The following GPNMB variants were observed in gnomAD, a reference collection of about 807,000 sequenced individuals.
The protein encoded by GPNMB is glycoprotein nmb, also known as transmembrane glycoprotein NMB.
In GPNMB, 71 loss-of-function variants were observed where a neutral mutation model predicts 57.3. That is an observed-to-expected ratio of 1.24 (90% CI 1.02 to 1.51). The LOEUF (loss-of-function observed/expected upper bound fraction) is 1.51. Among genes scored for constraint, GPNMB ranks in the 40% most tolerant of loss-of-function variants. GPNMB has a pLI of 0.00. For missense variants in GPNMB, 677 were observed against 691.9 expected, an observed-to-expected ratio of 0.98 and a Z score of 0.24; for synonymous variants, 253 against 263.2, an observed-to-expected ratio of 0.96 and a Z score of 0.38.
intron 9 of GPNMB, 93 bp downstream of exon 9, chr7:23,270,268 TTAATTC>T: frequency 1.3e-6 from 1 of 772,232 alleles, no homozygotes; most frequent in Non-Finnish European, 2.1e-6. Context: ...TTTTCAATGT[TTAATTC>T]TATTTCAGTA....
In GPNMB at chr7:23,246,804, G is replaced by T. The variant is rs749289901; in HGVS notation, c.-54G>T. The T allele has an allele frequency of 7.7e-7, 1 of 1,305,300 alleles. No individual in the cohort carries two copies. The highest frequency in any genetic ancestry group is 1.2e-5 in the South Asian group (1 of 84,798). 80.9% of individuals were successfully genotyped at this position (1,305,300 alleles called of 1,614,324 possible). A position where few individuals can be genotyped will look rare whatever the true frequency, so the allele number is the denominator to read the frequency against. On this transcript the variant is annotated 5_prime_UTR_variant, in exon 1 of 11. Transcript: ENST00000258733. ...GAACACTGTTGCTCTTGGTGGACGGGCCCAGAGGAATTCAGAGTTAAACCT... is the reference window on the plus strand; with the variant it reads ...GAACACTGTTGCTCTTGGTGGACGGTCCCAGAGGAATTCAGAGTTAAACCT...
intron 10 of GPNMB, 110 bp from the exon 11 acceptor site, chr7:23,273,955 C>A: frequency 1.2e-6 from 1 of 803,934 alleles, no homozygotes; most frequent in South Asian, 1.8e-5. Flanking sequence ...AACTGTCAAT[C>A]ATGTTAAATG....
intron 8 of GPNMB, among the ~76,000 whole-genome samples, chr7:23,268,670 A>G (rs915193738): frequency 1.3e-5 from 2 of 151,990 alleles, no homozygotes; most frequent in Non-Finnish European, 2.9e-5. Flanking sequence ...AGATACATAA[A>G]TTAATCAGGA....
chr7:23,256,950 T>C lies in GPNMB; in HGVS notation c.426T>C (p.Ser142=). ...VYNWTAWSED[S]DGENGTGQSH... is the part of the protein sequence containing the mutation. Reference sequence around the variant, plus strand: ...ACTGGACAGCATGGTCAGAGGACAGTGACGGGGAAAATGGCACCGGCCAAA... The same window carrying C: ...ACTGGACAGCATGGTCAGAGGACAGCGACGGGGAAAATGGCACCGGCCAAA... Residue 142 remains serine, a synonymous_variant, in exon 4 of 11, where the codon AGT becomes AGC. Coordinates refer to ENST00000258733, the MANE Select transcript of GPNMB (RefSeq NM_002510.3). The C allele has an allele frequency of 6.2e-7, 1 of 1,614,210 alleles. No individual in the cohort carries two copies. Among genetic ancestry groups the C allele is most frequent in the Non-Finnish European group, 8.5e-7 (1 of 1,180,012 alleles).
chr7:23,274,388 G>A lies in GPNMB; in HGVS notation c.*164G>A. ...AATGTCATTTTAGAGATGGGGAGAG[G>A]GATTATACTGCAGGCAGCTTCAGCC... On this transcript the variant is annotated 3_prime_UTR_variant, in exon 11 of 11. Transcript: ENST00000258733. The A allele has an allele frequency of 5.4e-6, 3 of 555,150 alleles. No individual in the cohort carries two copies. The highest frequency in any genetic ancestry group is 2.5e-5 in the South Asian group (1 of 40,432). The allele number at this position is 555,150 out of a possible 1,614,324, so 34.4% of individuals were successfully genotyped here.
intron 3 of GPNMB, among the ~76,000 whole-genome samples, chr7:23,256,059 G>C (rs1223732616): frequency 6.6e-6 from 1 of 152,016 alleles, no homozygotes; most frequent in African/African-American, 2.4e-5. Flanking sequence ...GGCGCATGCA[G>C]CATGACTGGC....
Position 23,253,723 on chromosome 7 carries a change from C to G in GPNMB, c.223+264C>G, listed in dbSNP as rs868091813. Among the ~76,000 whole-genome samples the G allele has an allele frequency of 2.6e-5, 4 of 152,306 alleles. 1 individual carries two copies. Among genetic ancestry groups the G allele is most frequent in the African/African-American group, 9.6e-5 (4 of 41,554 alleles). ...AGGGTGAGCAGATTTAGCTTTAAAC[C>G]TATTTAGCCAACCTGGGAATGATCA... On this transcript the variant is annotated intron_variant, in intron 2 of 10. Transcript: ENST00000258733.
At chr7:23,252,538 G>T (rs1005693911) in intron 1 of GPNMB, among the ~76,000 whole-genome samples, 1 of 152,144 alleles carries the variant, frequency 6.6e-6, no homozygotes, top group Non-Finnish European at 1.5e-5. Flanking sequence ...ATTGAGAAAA[G>T]GGTCAGTTCA....
chr7:23,258,911 T>C (rs762994166), intron 4 of GPNMB, among the ~76,000 whole-genome samples: 5 of 152,234 alleles, frequency 3.3e-5, no homozygotes, highest in Non-Finnish European at 4.4e-5. Flanking sequence ...GCATGCAACC[T>C]AAGATACCCA....
chr7:23,257,309 A>C (rs1337722895), intron 4 of GPNMB: 12 of 589,234 alleles, frequency 2.0e-5, no homozygotes, highest in Non-Finnish European at 3.6e-5. Context: ...TTTTTCAAAA[A>C]AACAAAACCA....
In GPNMB at chr7:23,246,895, T is replaced by C. The variant is rs745718322; in HGVS notation, c.38T>C (p.Leu13Pro). The change falls in exon 1 of 11, where the codon CTG becomes CCG. Residue 13 changes from leucine (L) to proline (P), a missense_variant. Leu to Pro is a moderately conservative substitution (Grantham distance 98). Transcript: ENST00000258733. ...CLYYFLGFLL[L>P]AARLPLDAAK... Reference sequence around the variant, plus strand: ...TACTATTTCCTGGGATTTCTGCTCCTGGCTGCAAGATTGCCACTTGATGCC... The same window carrying C: ...TACTATTTCCTGGGATTTCTGCTCCCGGCTGCAAGATTGCCACTTGATGCC... 2 of 1,614,082 alleles carry C rather than the reference T, an allele frequency of 1.2e-6. No individual in the cohort carries two copies. The highest frequency in any genetic ancestry group is 2.2e-5 in the South Asian group (2 of 91,066).
At position 23,257,003 on chromosome 7, in the gene GPNMB, A is replaced by G; in HGVS notation, c.479A>G (p.Lys160Arg). Residue 160 changes from lysine (K) to arginine (R), a missense_variant, in exon 4 of 11, where the codon AAA (lysine) becomes AGA (arginine). Lys to Arg is a conservative substitution (Grantham distance 26). Transcript: ENST00000258733. ...QSHHNVFPDGKPFPHHPGWRR... is the reference protein window; with the variant it reads ...QSHHNVFPDGRPFPHHPGWRR... ...CATCATAACGTCTTCCCTGATGGGAAACCTTTTCCTCACCACCCCGGATGG... is the reference window on the plus strand; with the variant it reads ...CATCATAACGTCTTCCCTGATGGGAGACCTTTTCCTCACCACCCCGGATGG... 6.2e-7 allele frequency: 1 copy of G among 1,614,156 alleles called. No individual in the cohort carries two copies. Among genetic ancestry groups the G allele is most frequent in the South Asian group, 1.1e-5 (1 of 91,084 alleles).
At chr7:23,264,082 T>C (rs10250602) in intron 6 of GPNMB, among the ~76,000 whole-genome samples, 51,701 of 147,978 alleles carry the variant, frequency 0.35, 9,158 homozygotes, top group Middle Eastern at 0.41. Context: ...TTTTTCAGAC[T>C]TGTGAACAAA....
In GPNMB at chr7:23,274,055, T is replaced by C; in HGVS notation, c.1524-10T>C. On this transcript the variant is annotated splice_polypyrimidine_tract_variant and intron_variant, in intron 10 of 10. Coordinates refer to ENST00000258733, the MANE Select transcript of GPNMB (RefSeq NM_002510.3). ...CTTTTAAAAATAACTAACCAACAGA[T>C]TGTTTTCAGAAAACACAAGGAATAC... 1 of 1,588,558 alleles carries C rather than the reference T, an allele frequency of 6.3e-7. No homozygotes were observed. Among genetic ancestry groups the C allele is most frequent in the Non-Finnish European group, 8.6e-7 (1 of 1,169,128 alleles).
intron 6 of GPNMB, among the ~76,000 whole-genome samples, chr7:23,265,160 C>G (rs1783026955): frequency 6.6e-6 from 1 of 152,210 alleles, no homozygotes; most frequent in South Asian, 2.1e-4. Context: ...GCAGTCATTT[C>G]TAGACCTGTT....
intron 3 of GPNMB, among the ~76,000 whole-genome samples, chr7:23,254,762 T>G (rs1782737394): frequency 6.6e-6 from 1 of 152,190 alleles, no homozygotes; most frequent in Non-Finnish European, 1.5e-5. Flanking sequence ...ATGTGTATAT[T>G]TTGGTTTTGC....
intron 1 of GPNMB, among the ~76,000 whole-genome samples, chr7:23,251,734 A>C (rs1281966503): frequency 6.6e-6 from 1 of 152,202 alleles, no homozygotes; most frequent in Admixed American, 6.5e-5. Flanking sequence ...TCTTGTTATA[A>C]AGGAGGAAAA....
chr7:23,254,055 A>G, intron 2 of GPNMB, 114 bp from the exon 3 acceptor site: 10 of 752,840 alleles, frequency 1.3e-5, no homozygotes, highest in African/African-American at 1.8e-5. Context: ...AATTTAATAT[A>G]TTATAAAGAG....
At position 23,267,821 on chromosome 7, in the gene GPNMB, T is replaced by C. The variant is rs534843459; in HGVS notation, c.1118-65T>C. ...AAACATTCAATCTATACCAGAGTGATTGTTTGGCTTTGTTTGATTTCTGTT... is the reference window on the plus strand; with the variant it reads ...AAACATTCAATCTATACCAGAGTGACTGTTTGGCTTTGTTTGATTTCTGTT... On this transcript the variant is annotated intron_variant, in intron 7 of 10. Transcript: ENST00000258733. 195 of 1,048,440 alleles carry C rather than the reference T, an allele frequency of 1.9e-4. 1 individual carries two copies. In the South Asian group the frequency reaches 2.4e-3, roughly 13 times the overall value. 64.9% of individuals were successfully genotyped at this position (1,048,440 alleles called of 1,614,324 possible).
Sources: allele counts gnomAD v4.1 joint callset (sites outside exome capture counted in the v4.1 genomes callset), GRCh38; gene constraint gnomAD v4.1.1; transcripts MANE v1.5; gene names NCBI Gene and HGNC (gene_info 2026-07-23, HGNC 2026-07-21).